The following ZFTRAF1 variants were observed in gnomAD, a reference collection of about 807,000 sequenced individuals.
ZFTRAF1 encodes zinc finger TRAF-type and ring finger containing 1.
At chr8:144,450,742 G>A in the ZFTRAF1 span, 2 of 709,366 alleles carry the variant, frequency 2.8e-6, no homozygotes, top group East Asian at 2.7e-5. Context: ...TGATGAAGTC[G>A]TCTGTGCGGT....
the ZFTRAF1 span, chr8:144,451,050 C>T: frequency 5.0e-6 from 2 of 396,378 alleles, no homozygotes; most frequent in Non-Finnish European, 9.2e-6. Flanking sequence ...GCCCGACCCA[C>T]GCTGGCCTCC....
the ZFTRAF1 span, among the ~76,000 whole-genome samples, chr8:144,460,883 C>CA: frequency 5.9e-5 from 9 of 151,540 alleles, no homozygotes; most frequent in African/African-American, 1.9e-4. Flanking sequence ...GACTCCGTCT[C>CA]AAAAAAAAGG....
At chr8:144,453,567 T>A in the ZFTRAF1 span, 1 of 1,038,674 alleles carries the variant, frequency 9.6e-7, no homozygotes, top group African/African-American at 1.6e-5. Flanking sequence ...GGACTCCAGC[T>A]GGTGCAGAGG....
the ZFTRAF1 span, among the ~76,000 whole-genome samples, chr8:144,461,552 G>C: frequency 6.6e-6 from 1 of 152,186 alleles, no homozygotes; most frequent in African/African-American, 2.4e-5. Context: ...TGGAGCACTG[G>C]CTGCCTAGGA....
chr8:144,450,900 C>G, the ZFTRAF1 span: 1 of 598,416 alleles, frequency 1.7e-6, no homozygotes, highest in Non-Finnish European at 3.0e-6. Flanking sequence ...ACACCGGGCT[C>G]TGCTTGTCAC....
At chr8:144,455,337 A>G in the ZFTRAF1 span, 1 of 152,204 alleles carries the variant, frequency 6.6e-6, no homozygotes, top group African/African-American at 2.4e-5. Context: ...ATAAATAAAA[A>G]TTAAAACATA....
the ZFTRAF1 span, chr8:144,450,337 G>A: frequency 2.9e-6 from 2 of 697,512 alleles, no homozygotes; most frequent in African/African-American, 1.8e-5. Flanking sequence ...AGCGGTGCTG[G>A]GATGCCGCCC....
At chr8:144,452,249 G>A in the ZFTRAF1 span, 15 of 1,238,904 alleles carry the variant, frequency 1.2e-5, no homozygotes, top group Non-Finnish European at 1.7e-5. Context: ...GAGCCCGGCT[G>A]TCCGGCGCTG....
At chr8:144,452,525 G>A in the ZFTRAF1 span, 1 of 1,541,436 alleles carries the variant, frequency 6.5e-7, no homozygotes, top group East Asian at 2.4e-5. Flanking sequence ...CATGGAAGGG[G>A]CCGTGCCATG....
the ZFTRAF1 span, chr8:144,455,718 A>G: frequency 6.6e-6 from 1 of 152,288 alleles, no homozygotes; most frequent in Non-Finnish European, 1.5e-5. Context: ...CCGACCCCCA[A>G]GGGAGTTCCA....
the ZFTRAF1 span, chr8:144,451,366 C>G: frequency 6.5e-6 from 1 of 154,218 alleles, no homozygotes; most frequent in East Asian, 1.9e-4. Context: ...CTTTCCTGCG[C>G]GAATGGGGCT....
chr8:144,457,798 G>A, the ZFTRAF1 span: 2 of 152,276 alleles, frequency 1.3e-5, no homozygotes, highest in African/African-American at 4.8e-5. Context: ...TTCACACCTG[G>A]ACTGCATGGT....
the ZFTRAF1 span, chr8:144,452,663 C>T: frequency 5.7e-6 from 7 of 1,223,174 alleles, no homozygotes; most frequent in African/African-American, 4.5e-5. Flanking sequence ...CAGCTAAGAA[C>T]CCCTTCCTGC....
the ZFTRAF1 span, among the ~76,000 whole-genome samples, chr8:144,460,883 CA>C: frequency 5.9e-5 from 9 of 151,658 alleles, no homozygotes; most frequent in African/African-American, 1.9e-4. Context: ...GACTCCGTCT[CA>C]AAAAAAAGGA....
chr8:144,453,067 C>T, the ZFTRAF1 span, among the ~76,000 whole-genome samples: 1 of 152,368 alleles, frequency 6.6e-6, no homozygotes, highest in East Asian at 1.9e-4. Context: ...TGCAGGCACC[C>T]TCCCACAGGG....
At chr8:144,461,924 G>A in the ZFTRAF1 span, among the ~76,000 whole-genome samples, 2 of 152,274 alleles carry the variant, frequency 1.3e-5, no homozygotes, top group African/African-American at 4.8e-5. Context: ...GCAGTTGCGG[G>A]CTAAGGATCA....
At chr8:144,462,153 A>T in the ZFTRAF1 span, 1 of 355,218 alleles carries the variant, frequency 2.8e-6, no homozygotes, top group South Asian at 9.2e-5. Context: ...AAGTGGCTGT[A>T]AGGGCCAGAG....
At chr8:144,450,796 G>C in the ZFTRAF1 span, 1 of 677,108 alleles carries the variant, frequency 1.5e-6, no homozygotes, top group African/African-American at 1.8e-5. Flanking sequence ...GGGCCGGAAA[G>C]AGCCGGCTGT....
the ZFTRAF1 span, chr8:144,453,578 G>A: frequency 2.2e-6 from 2 of 902,732 alleles, no homozygotes; most frequent in Non-Finnish European, 3.4e-6. Context: ...GGTGCAGAGG[G>A]GCGCACGTGC....
Sources: allele counts gnomAD v4.1 joint callset (sites outside exome capture counted in the v4.1 genomes callset), GRCh38; gene constraint gnomAD v4.1.1; transcripts MANE v1.5; gene names NCBI Gene and HGNC (gene_info 2026-07-23, HGNC 2026-07-21).